ADGRB3: variants seen among roughly 807,000 people sequenced by gnomAD.
ADGRB3 encodes adhesion G protein-coupled receptor B3.
A neutral mutation model predicts 193.4 loss-of-function variants in ADGRB3; 37 were observed. The ratio of observed to expected loss-of-function variants is 0.19; its 90% CI spans 0.15 to 0.25. The LOEUF (loss-of-function observed/expected upper bound fraction) is 0.25. Ranked by LOEUF, ADGRB3 falls within the 10% of genes least tolerant of loss-of-function variation. The probability of loss-of-function intolerance (pLI) is 1.00; values close to 1 mark genes in which losing one functional copy is unlikely to be tolerated. For synonymous variants in ADGRB3, 690 were observed against 644.2 expected (o/e 1.07, Z -1.08); for missense variants, 1,637 against 1,852.9 (o/e 0.88, Z 2.14).
At position 69,354,295 on chromosome 6, in the gene ADGRB3, G is replaced by T. The variant is rs2296974; in HGVS notation, c.3522G>T (p.Ser1174=). 13 of 1,613,546 alleles carry T rather than the reference G, an allele frequency of 8.1e-6. 1 individual carries two copies. The highest frequency in any genetic ancestry group is 1.1e-5 in the Non-Finnish European group (13 of 1,179,696). Residue 1174 remains serine (S), a synonymous_variant, in exon 27 of 32, where the codon TCG becomes TCT. Coordinates refer to ENST00000370598, the MANE Select transcript of ADGRB3 (RefSeq NM_001704.3). ...NCQDPINADS[S]SSFPNGHAQI... is the part of the protein sequence containing the mutation. Reference sequence around the variant, plus strand: ...AGGATCCCATCAATGCAGATTCTTCGAGTTCGTTTCCTAATGGGCATGCTC... The same window carrying T: ...AGGATCCCATCAATGCAGATTCTTCTAGTTCGTTTCCTAATGGGCATGCTC...
chr6:69,233,122 A>G (rs1205631520), intron 17 of ADGRB3, 168 bp from the exon 18 acceptor site: 4 of 948,330 alleles, frequency 4.2e-6, no homozygotes, highest in South Asian at 1.7e-5. Flanking sequence ...GCTTTGCATT[A>G]CTGGAGATGC....
At chr6:69,156,295 C>T (rs974282904) in intron 17 of ADGRB3, among the ~76,000 whole-genome samples, 1 of 152,130 alleles carries the variant, frequency 6.6e-6, no homozygotes, top group African/African-American at 2.4e-5. Flanking sequence ...ACTGTGTGAG[C>T]AGGGAGGCTC....
intron 20 of ADGRB3, among the ~76,000 whole-genome samples, chr6:69,321,149 C>T (rs1768448502): frequency 6.6e-6 from 1 of 151,714 alleles, no homozygotes; most frequent in Non-Finnish European, 1.5e-5. Flanking sequence ...TCACAGTTAA[C>T]ACTTCTTATT....
At position 68,917,450 on chromosome 6, in the gene ADGRB3, T is replaced by G. The variant is rs185871584; in HGVS notation, c.758-13109T>G. On this transcript the variant is annotated intron_variant, in intron 3 of 31. Transcript: ENST00000370598. ...ATTTATTTGTAATCTTTCTTCTACA[T>G]GATAAGTTTCTAAATATTTGAAGAT... Among the ~76,000 whole-genome samples the G allele has an allele frequency of 2.3e-3, 357 of 152,246 alleles. 1 individual carries two copies. Among genetic ancestry groups the G allele is most frequent in the African/African-American group, 8.3e-3 (345 of 41,534 alleles).
At chr6:68,733,073 G>A (rs940417478) in intron 3 of ADGRB3, among the ~76,000 whole-genome samples, 2 of 151,576 alleles carry the variant, frequency 1.3e-5, no homozygotes, top group African/African-American at 4.8e-5. Flanking sequence ...AGATTTCTCA[G>A]AGAACTAAAA....
At chr6:68,802,607 T>C (rs1217980245) in intron 3 of ADGRB3, among the ~76,000 whole-genome samples, 1 of 152,176 alleles carries the variant, frequency 6.6e-6, no homozygotes, top group Admixed American at 6.5e-5. Context: ...ACTGAAACAA[T>C]TGGTCAGTTG....
At chr6:69,225,020 G>A (rs1765979403) in intron 17 of ADGRB3, among the ~76,000 whole-genome samples, 1 of 152,022 alleles carries the variant, frequency 6.6e-6, no homozygotes, top group African/African-American at 2.4e-5. Context: ...ATCCTGTCAT[G>A]ATCTCTGTCT....
intron 28 of ADGRB3, among the ~76,000 whole-genome samples, chr6:69,360,664 A>G (rs533993625): frequency 3.3e-5 from 5 of 151,918 alleles, no homozygotes; most frequent in Non-Finnish European, 5.9e-5. Context: ...CCTGAGATCT[A>G]TGAGAGCATA....
chr6:68,931,556 A>C (rs936192870), intron 4 of ADGRB3, among the ~76,000 whole-genome samples: 3 of 152,154 alleles, frequency 2.0e-5, no homozygotes, highest in African/African-American at 7.2e-5. Context: ...AATTGTATAC[A>C]TCTCAATGTT....
chr6:68,997,584 C>T (rs950471483), intron 11 of ADGRB3, among the ~76,000 whole-genome samples: 1 of 150,506 alleles, frequency 6.6e-6, no homozygotes, highest in Non-Finnish European at 1.5e-5. Context: ...ACCCGGGAAT[C>T]GGAGGTCTCA....
At chr6:69,103,692 C>T (rs1163022458) in intron 17 of ADGRB3, among the ~76,000 whole-genome samples, 1 of 151,666 alleles carries the variant, frequency 6.6e-6, no homozygotes, top group Non-Finnish European at 1.5e-5. Flanking sequence ...AATTGGATGA[C>T]TCCTCTTACA....
At chr6:68,851,893 A>G (rs1161464894) in intron 3 of ADGRB3, among the ~76,000 whole-genome samples, 1 of 151,828 alleles carries the variant, frequency 6.6e-6, no homozygotes, top group African/African-American at 2.4e-5. Context: ...TTTCACGGAG[A>G]CGGTGATATT....
intron 20 of ADGRB3, among the ~76,000 whole-genome samples, chr6:69,266,703 A>T (rs6939057): frequency 1.5e-3 from 232 of 152,188 alleles, no homozygotes; most frequent in African/African-American, 5.1e-3. Flanking sequence ...TTATATATAA[A>T]TTGTCTACCA....
At chr6:69,325,110 CT>C in intron 21 of ADGRB3, 88 bp downstream of exon 21, 1 of 1,420,102 alleles carries the variant, frequency 7.0e-7, no homozygotes, top group Non-Finnish European at 9.5e-7. Context: ...TAGACACAGG[CT>C]ACTTTGTGTC....
At chr6:69,075,016 T>C (rs1459718574) in intron 16 of ADGRB3, among the ~76,000 whole-genome samples, 1 of 152,172 alleles carries the variant, frequency 6.6e-6, no homozygotes, top group East Asian at 1.9e-4. Flanking sequence ...TCAGCAGAGA[T>C]TGCAGTGTAT....
chr6:69,041,892 A>G (rs565968285), intron 13 of ADGRB3, among the ~76,000 whole-genome samples: 2 of 152,290 alleles, frequency 1.3e-5, no homozygotes, highest in African/African-American at 4.8e-5. Flanking sequence ...ATGCCTGGCC[A>G]TGATGTTTTA....
chr6:68,817,110 C>T (rs1767645593), intron 3 of ADGRB3, among the ~76,000 whole-genome samples: 1 of 151,302 alleles, frequency 6.6e-6, no homozygotes, highest in Non-Finnish European at 1.5e-5. Flanking sequence ...CCTCTGTATT[C>T]CTCAGGGACT....
At chr6:69,186,953 T>C (rs911647653) in intron 17 of ADGRB3, among the ~76,000 whole-genome samples, 6 of 151,408 alleles carry the variant, frequency 4.0e-5, no homozygotes, top group Admixed American at 1.3e-4. Context: ...TGTTTTTTTT[T>C]TTTGACAACG....
chr6:69,332,128 G>T, intron 23 of ADGRB3: 3 of 985,388 alleles, frequency 3.0e-6, no homozygotes, highest in Non-Finnish European at 3.6e-6. Flanking sequence ...ATCAGAAAGT[G>T]TTGGTAGATT....
Sources: allele counts gnomAD v4.1 joint callset (sites outside exome capture counted in the v4.1 genomes callset), GRCh38; gene constraint gnomAD v4.1.1; transcripts MANE v1.5; gene names NCBI Gene and HGNC (gene_info 2026-07-23, HGNC 2026-07-21).